SORCS2: variants seen among roughly 807,000 people sequenced by gnomAD.
SORCS2 encodes the protein sortilin related VPS10 domain containing receptor 2.
Under a neutral mutation model 141.6 loss-of-function variants are expected in SORCS2, and 100 were observed. The ratio of observed to expected loss-of-function variants is 0.71; its 90% CI spans 0.60 to 0.83. The LOEUF is 0.83. SORCS2 is among the 40% of genes least tolerant of loss of function. The pLI is 0.00. For missense variants in SORCS2, 1,646 were observed against 1,560.2 expected (o/e 1.05, Z -0.93); for synonymous variants, 789 against 676.9 (o/e 1.17, Z -2.57).
At position 7,344,708 on chromosome 4, in the gene SORCS2, C is replaced by T. The variant is rs116144180; in HGVS notation, c.481-51580C>T. On this transcript the variant is annotated intron_variant, in intron 1 of 26. Transcript: ENST00000507866. ...GGGCCAGGAGGTGAAGAGGAAGCAC[C>T]GTGCTGGACAGGAAGCCTGGTGAAT... is the stretch of plus-strand genomic sequence containing the variant. Among the ~76,000 whole-genome samples the T allele has an allele frequency of 5.0e-3, 767 of 152,284 alleles. 7 individuals carry two copies. The highest frequency in any genetic ancestry group is 0.017 in the African/African-American group (718 of 41,560).
At chr4:7,589,085 G>A (rs951653237) in intron 3 of SORCS2, among the ~76,000 whole-genome samples, 6 of 152,192 alleles carry the variant, frequency 3.9e-5, no homozygotes, top group African/African-American at 1.2e-4. Context: ...TGCACAGGAG[G>A]TGTGGGGCGA....
At chr4:7,426,482 G>C (rs572090997) in intron 2 of SORCS2, among the ~76,000 whole-genome samples, 7 of 152,300 alleles carry the variant, frequency 4.6e-5, no homozygotes, top group Admixed American at 2.0e-4. Flanking sequence ...CCAATACTTC[G>C]GGAGGCTGAA....
intron 1 of SORCS2, among the ~76,000 whole-genome samples, chr4:7,278,581 G>A (rs2108854834): frequency 6.6e-6 from 1 of 152,326 alleles, no homozygotes; most frequent in South Asian, 2.1e-4. Flanking sequence ...AGCGTGCCCA[G>A]TGTACATCTG....
chr4:7,723,859 G>C lies in SORCS2; in HGVS notation c.2587G>C (p.Ala863Pro). 2 of 1,609,872 alleles carry C rather than the reference G, an allele frequency of 1.2e-6. No homozygotes were observed. Among genetic ancestry groups the C allele is most frequent in the Non-Finnish European group, 1.7e-6 (2 of 1,179,516 alleles). ...RAENTAGHDE[A>P]VLFVQVNSPL... Reference sequence around the variant, plus strand: ...AGAGAACACGGCAGGCCACGATGAGGCGGTGCTCTTTGTCCAGGTCAACTG... The same window carrying C: ...AGAGAACACGGCAGGCCACGATGAGCCGGTGCTCTTTGTCCAGGTCAACTG... The change falls in exon 19 of 27, where the codon GCG (alanine) becomes CCG (proline). Residue 863 changes from alanine (A) to proline (P), a missense_variant. Transcript: ENST00000507866.
intron 2 of SORCS2, among the ~76,000 whole-genome samples, chr4:7,447,880 A>G (rs1425954069): frequency 6.6e-6 from 1 of 152,208 alleles, no homozygotes; most frequent in African/African-American, 2.4e-5. Flanking sequence ...GAAACACTGC[A>G]GATACGGCAG....
intron 2 of SORCS2, among the ~76,000 whole-genome samples, chr4:7,479,818 G>A (rs1390997434): frequency 6.6e-6 from 1 of 152,262 alleles, no homozygotes; most frequent in Non-Finnish European, 1.5e-5. Context: ...AGCAGAGTCA[G>A]CCTCTCACTC....
chr4:7,662,335 T>A (rs1039404817), intron 6 of SORCS2, among the ~76,000 whole-genome samples: 1 of 151,482 alleles, frequency 6.6e-6, no homozygotes, highest in African/African-American at 2.4e-5. Context: ...CAGGTTTGCC[T>A]GGGGTCACAA....
intron 1 of SORCS2, among the ~76,000 whole-genome samples, chr4:7,322,978 T>TA (rs1553840696): frequency 3.3e-5 from 5 of 151,666 alleles, no homozygotes; most frequent in African/African-American, 7.3e-5. Flanking sequence ...GCCCGTTTTT[T>TA]ATCTTTTTCT....
At chr4:7,287,868 C>T (rs1160285156) in intron 1 of SORCS2, among the ~76,000 whole-genome samples, 2 of 152,184 alleles carry the variant, frequency 1.3e-5, no homozygotes, top group East Asian at 1.9e-4. Context: ...CTGTTTCTTC[C>T]GCTATGGTAA....
intron 1 of SORCS2, among the ~76,000 whole-genome samples, chr4:7,299,433 C>G (rs1020121657): frequency 2.0e-5 from 3 of 152,214 alleles, no homozygotes; most frequent in African/African-American, 7.2e-5. Context: ...GATCGCATGG[C>G]CTCGGATACA....
chr4:7,200,819 C>T (rs1026098427), intron 1 of SORCS2, among the ~76,000 whole-genome samples: 1 of 152,200 alleles, frequency 6.6e-6, no homozygotes, highest in Non-Finnish European at 1.5e-5. Context: ...GCCACACACT[C>T]CATGGATGGG....
At chr4:7,374,766 A>C (rs1168370549) in intron 1 of SORCS2, among the ~76,000 whole-genome samples, 1 of 152,132 alleles carries the variant, frequency 6.6e-6, no homozygotes, top group East Asian at 1.9e-4. Flanking sequence ...TTAGAGTCCC[A>C]CAGCGTCACC....
chr4:7,293,185 T>A (rs1368758145), intron 1 of SORCS2, among the ~76,000 whole-genome samples: 1 of 151,858 alleles, frequency 6.6e-6, no homozygotes, highest in Non-Finnish European at 1.5e-5. Flanking sequence ...GCACCTGTAG[T>A]CCCAGCTACT....
intron 2 of SORCS2, among the ~76,000 whole-genome samples, chr4:7,484,568 GT>G (rs563734989): frequency 6.6e-6 from 1 of 152,286 alleles, no homozygotes; most frequent in South Asian, 2.1e-4. Context: ...GCTGACTCCA[GT>G]GTGGAAATAC....
rs1388306715 is a variant in SORCS2 at position 7,657,670 on chromosome 4, TAGTGAATGAGTGACTGAGTCTGTGATTG to T, written c.887+3477_887+3504del. Among the ~76,000 whole-genome samples, 15 of 151,768 alleles carry T rather than the reference TAGTGAATGAGTGACTGAGTCTGTGATTG, an allele frequency of 9.9e-5. No homozygotes were observed. In the East Asian group the frequency reaches 1.9e-3, roughly 20 times the overall value. Reference sequence around the variant, plus strand: ...ATGAGTGACTGAGTGAATGAGTAATTAGTGAATGAGTGACTGAGTCTGTGATTGAGTGAATGAGTGAGTAGCTGAGTGA... The same window carrying T: ...ATGAGTGACTGAGTGAATGAGTAATTAGTGAATGAGTGAGTAGCTGAGTGA... On this transcript the variant is annotated intron_variant, in intron 5 of 26. Transcript: ENST00000507866.
intron 2 of SORCS2, among the ~76,000 whole-genome samples, chr4:7,422,813 C>A (rs896146513): frequency 6.6e-6 from 1 of 152,198 alleles, no homozygotes; most frequent in Non-Finnish European, 1.5e-5. Flanking sequence ...CCAAAGTGAA[C>A]TTCAGAGAGC....
chr4:7,404,088 T>C (rs534447172), intron 2 of SORCS2, among the ~76,000 whole-genome samples: 101 of 151,198 alleles, frequency 6.7e-4, no homozygotes, highest in Non-Finnish European at 1.1e-3. Context: ...GGTTCTACGT[T>C]CTGTTCCATT....
intron 1 of SORCS2, among the ~76,000 whole-genome samples, chr4:7,371,549 G>A (rs1186537599): frequency 1.3e-5 from 2 of 152,174 alleles, no homozygotes; most frequent in Admixed American, 1.3e-4. Flanking sequence ...CAGAGCCTAG[G>A]TTGTTTCTTT....
intron 2 of SORCS2, among the ~76,000 whole-genome samples, chr4:7,427,507 G>T (rs1244812317): frequency 6.6e-6 from 1 of 152,206 alleles, no homozygotes; most frequent in African/African-American, 2.4e-5. Context: ...GAGCTGGGCT[G>T]CGCCTGGGAC....
Sources: gnomAD v4.1 joint callset for allele counts (sites outside exome capture counted in the v4.1 genomes callset) on GRCh38, gnomAD v4.1.1 for gene constraint, MANE v1.5 for transcripts, NCBI Gene and HGNC (gene_info 2026-07-23, HGNC 2026-07-21) for gene names.